The following HEATR4 variants were observed in gnomAD, a reference collection of about 807,000 sequenced individuals.
HEATR4 encodes the protein HEAT repeat-containing protein 4.
A neutral mutation model predicts 108.8 loss-of-function variants in HEATR4; 95 were observed. That is an observed-to-expected ratio of 0.87 (90% CI 0.74 to 1.04). The LOEUF (loss-of-function observed/expected upper bound fraction) is 1.04, where lower values mean the gene tolerates loss of function less well. HEATR4 is among the 50% of genes least tolerant of loss of function. HEATR4 has a pLI of 0.00. For synonymous variants in HEATR4, 443 were observed against 459.4 expected (o/e 0.96, Z 0.46); for missense variants, 1,152 against 1,253.8 (o/e 0.92, Z 1.23).
rs771429648 is a variant in HEATR4 at position 73,491,390 on chromosome 14, G to T, written c.2844+1676C>A. ...GACCCCGTCGGCGCGCCTGGTGCCC[G>T]CTTCCGCGCCGCCCGCGCGCCTGGT... is the stretch of plus-strand genomic sequence containing the variant. On this transcript the variant is annotated intron_variant, in intron 17 of 17. Coordinates refer to ENST00000553558, the MANE Select transcript of HEATR4 (RefSeq NM_001220484.1). 8 of 1,348,428 alleles carry T rather than the reference G, an allele frequency of 5.9e-6. No individual in the cohort carries two copies. The South Asian group carries it at 1.6e-4, about 26-fold the overall frequency. 83.5% of individuals were successfully genotyped at this position (1,348,428 alleles called of 1,614,324 possible). A position where few individuals can be genotyped will look rare whatever the true frequency, so the allele number is the denominator to read the frequency against.
chr14:73,627,375 G>T, the HEATR4 span, among the ~76,000 whole-genome samples: 1 of 151,986 alleles, frequency 6.6e-6, no homozygotes, highest in Non-Finnish European at 1.5e-5. Flanking sequence ...GATCCCACAG[G>T]TTGAGGAGTA....
At chr14:73,579,049 C>T in the HEATR4 span, among the ~76,000 whole-genome samples, 1 of 146,294 alleles carries the variant, frequency 6.8e-6, no homozygotes, top group African/African-American at 2.5e-5. Context: ...CACATCACTG[C>T]ACTCTAGCCT....
chr14:73,562,995 C>T (rs576612192), upstream of HEATR4, among the ~76,000 whole-genome samples: 9 of 151,956 alleles, frequency 5.9e-5, no homozygotes, highest in African/African-American at 1.4e-4. Context: ...TTTGTTAGAA[C>T]CTTATTAGTG....
At chr14:73,590,065 G>A in the HEATR4 span, among the ~76,000 whole-genome samples, 2 of 152,136 alleles carry the variant, frequency 1.3e-5, no homozygotes, top group Non-Finnish European at 2.9e-5. Flanking sequence ...AAACTAAATA[G>A]AACAAACCTT....
chr14:73,612,720 C>T, the HEATR4 span: 2 of 1,377,450 alleles, frequency 1.5e-6, no homozygotes, highest in South Asian at 1.7e-5. Flanking sequence ...CGGGCCCACG[C>T]GCGCTACCGT....
chr14:73,596,130 A>G, the HEATR4 span: 1 of 154,734 alleles, frequency 6.5e-6, no homozygotes, highest in East Asian at 1.9e-4. Flanking sequence ...AGGAGATGAG[A>G]CCTGTCTCTA....
chr14:73,628,079 G>T, the HEATR4 span, among the ~76,000 whole-genome samples: 1 of 152,154 alleles, frequency 6.6e-6, no homozygotes, highest in Non-Finnish European at 1.5e-5. Context: ...AAAGTGCTGG[G>T]ATTACAGGCG....
Position 73,493,131 on chromosome 14 carries a change from A to T in HEATR4, c.2786-7T>A, listed in dbSNP as rs1180218482. The T allele has an allele frequency of 6.2e-7, 1 of 1,611,974 alleles. No individual in the cohort carries two copies. The highest frequency in any genetic ancestry group is 1.1e-5 in the South Asian group (1 of 90,762). ...CTAGGAAGAACCATCTCATCTAGGT[A>T]CAAAAGGAAAAGGAGAAGTTGGAGG... is the stretch of plus-strand genomic sequence containing the variant. On this transcript the variant is annotated splice_region_variant and splice_polypyrimidine_tract_variant and intron_variant, in intron 16 of 17. Coordinates refer to ENST00000553558, the MANE Select transcript of HEATR4 (RefSeq NM_001220484.1).
At chr14:73,571,788 G>C in the HEATR4 span, 4 of 152,036 alleles carry the variant, frequency 2.6e-5, no homozygotes, top group Admixed American at 6.6e-5. Flanking sequence ...ACTTTTCTTT[G>C]AATTCGCACA....
At chr14:73,551,745 G>A (rs2140319820) in intron 1 of HEATR4, among the ~76,000 whole-genome samples, 1 of 109,078 alleles carries the variant, frequency 9.2e-6, no homozygotes, top group South Asian at 3.0e-4. Flanking sequence ...GGAGGCCGAG[G>A]TTGCAGTGAG....
chr14:73,597,280 T>A, the HEATR4 span, among the ~76,000 whole-genome samples: 1 of 151,672 alleles, frequency 6.6e-6, no homozygotes, highest in Non-Finnish European at 1.5e-5. Flanking sequence ...GAGACAGGGT[T>A]TCGCCATGTT....
At chr14:73,563,376 C>T (rs193286167), upstream of HEATR4, among the ~76,000 whole-genome samples, 27 of 152,132 alleles carry the variant, frequency 1.8e-4, no homozygotes, top group African/African-American at 6.5e-4. Flanking sequence ...AGGCCGATCA[C>T]TTGGGGTCAG....
At chr14:73,509,850 A>ATTTATATATT (rs1311745415) in intron 7 of HEATR4, among the ~76,000 whole-genome samples, 2 of 62,530 alleles carry the variant, frequency 3.2e-5, no homozygotes, top group African/African-American at 1.5e-4. Flanking sequence ...ATATATATAT[A>ATTTATATATT]TATATATATA....
chr14:73,565,939 T>TG, the HEATR4 span, among the ~76,000 whole-genome samples: 1 of 152,074 alleles, frequency 6.6e-6, no homozygotes. Context: ...ACTCACATCC[T>TG]GCTGATTGGT....
At chr14:73,560,982 C>T (rs1434203205), upstream of HEATR4, among the ~76,000 whole-genome samples, 17 of 151,948 alleles carry the variant, frequency 1.1e-4, no homozygotes, top group Non-Finnish European at 1.5e-5. Context: ...AATAGCCAAA[C>T]GGTGGAAAGA....
At position 73,492,220 on chromosome 14, in the gene HEATR4, G is replaced by A; in HGVS notation, c.2844+846C>T. 6.2e-7 allele frequency: 1 copy of A among 1,613,962 alleles called. No homozygotes were observed. The highest frequency in any genetic ancestry group is 8.5e-7 in the Non-Finnish European group (1 of 1,179,888). On this transcript the variant is annotated intron_variant, in intron 17 of 17. Transcript: ENST00000553558. The surrounding 1 kb of genome is among the most constrained non-coding windows in gnomAD (Gnocchi z 4.9). ...CTGGAGATTTGCTGTATTTTCCTCGGGGCTTCATTCACCAAGCTGAATGCC... is the reference window on the plus strand; with the variant it reads ...CTGGAGATTTGCTGTATTTTCCTCGAGGCTTCATTCACCAAGCTGAATGCC...
chr14:73,499,560 G>C (rs890654010), intron 12 of HEATR4, among the ~76,000 whole-genome samples: 1 of 152,140 alleles, frequency 6.6e-6, no homozygotes, highest in Admixed American at 6.6e-5. Flanking sequence ...AGCTATAATT[G>C]AAAAATGACC....
At chr14:73,602,768 A>G in the HEATR4 span, among the ~76,000 whole-genome samples, 3 of 152,200 alleles carry the variant, frequency 2.0e-5, no homozygotes, top group African/African-American at 7.2e-5. Flanking sequence ...CTTGAAGAAG[A>G]GTAAATCTTT....
chr14:73,522,155 A>G, intron 3 of HEATR4, 117 bp downstream of exon 3: 1 of 1,056,856 alleles, frequency 9.5e-7, no homozygotes, highest in Non-Finnish European at 1.4e-6. Context: ...CCGGTGGTGG[A>G]GAACATGAAG....
Sources: allele counts gnomAD v4.1 joint callset (sites outside exome capture counted in the v4.1 genomes callset), GRCh38; gene constraint gnomAD v4.1.1; non-coding constraint Gnocchi (gnomAD v3.1); transcripts MANE v1.5; gene names NCBI Gene and HGNC (gene_info 2026-07-23, HGNC 2026-07-21).